ORC2: variants seen among roughly 807,000 people sequenced by gnomAD.
ORC2 encodes the protein origin recognition complex subunit 2, also known as origin recognition complex protein 2 homolog.
ORC2 carries 37 observed loss-of-function variants against 77.7 expected under a neutral mutation model. The observed-to-expected ratio is 0.48, with a 90% CI of 0.37 to 0.63. The LOEUF is 0.63. Ranked by LOEUF, ORC2 falls within the 20% of genes least tolerant of loss-of-function variation. ORC2 has a pLI of 0.00. For missense variants in ORC2, 557 were observed against 661.9 expected (o/e 0.84, Z 1.74); for synonymous variants, 201 against 229.5 (o/e 0.88, Z 1.12).
At chr2:200,927,915 T>G (rs2040871190) in intron 11 of ORC2, among the ~76,000 whole-genome samples, 1 of 151,492 alleles carries the variant, frequency 6.6e-6, no homozygotes, top group South Asian at 2.1e-4. Context: ...CTTGAACTCT[T>G]GACCTCAGGT....
chr2:200,931,423 T>C lies in ORC2; in HGVS notation c.833A>G (p.Lys278Arg). 6.4e-7 allele frequency: 1 copy of C among 1,551,538 alleles called. No homozygotes were observed. The highest frequency in any genetic ancestry group is 2.5e-5 in the East Asian group (1 of 39,680). The change falls in exon 11 of 18, where the codon AAG becomes AGG. Residue 278 changes from lysine (K) to arginine (R), a missense_variant. Transcript: ENST00000234296. Reference protein sequence around the residue: ...DQQTLRNLLSKVSPSFSAELK... With the variant: ...DQQTLRNLLSRVSPSFSAELK... ...TTCGGCAGAAAAGGAAGGGGAAACC[T>C]TGCTCAATAAGTTACGCAAAGTTTG...
At chr2:200,935,554 A>G (rs983184151) in intron 9 of ORC2, 145 bp downstream of exon 9, 2 of 624,528 alleles carry the variant, frequency 3.2e-6, no homozygotes, top group Non-Finnish European at 5.4e-6. Flanking sequence ...AAACAAATAT[A>G]TGTGGGAATT....
chr2:200,920,482 A>T, intron 14 of ORC2, 89 bp from the exon 15 acceptor site: 1 of 1,100,376 alleles, frequency 9.1e-7, no homozygotes, highest in Non-Finnish European at 1.2e-6. Context: ...ATGAGAAAGG[A>T]TTAAATAAAA....
chr2:200,913,434 T>G, intron 16 of ORC2, 21 bp from the exon 17 acceptor site: 1 of 1,568,198 alleles, frequency 6.4e-7, no homozygotes, highest in South Asian at 1.1e-5. Flanking sequence ...CAAAAGGATA[T>G]GAACATAAGT....
chr2:200,925,703 C>T, intron 13 of ORC2, 133 bp downstream of exon 13: 1 of 316,496 alleles, frequency 3.2e-6, no homozygotes, highest in South Asian at 5.3e-5. Flanking sequence ...CGCACCACTG[C>T]ACTCCAGGCT....
intron 9 of ORC2, among the ~76,000 whole-genome samples, chr2:200,935,447 G>C (rs1473410662): frequency 6.6e-6 from 1 of 152,180 alleles, no homozygotes; most frequent in Non-Finnish European, 1.5e-5. Flanking sequence ...TTATACAGTG[G>C]AATTGAGATG....
At chr2:200,938,411 A>G (rs550521727) in intron 7 of ORC2, among the ~76,000 whole-genome samples, 28 of 152,326 alleles carry the variant, frequency 1.8e-4, no homozygotes, top group Middle Eastern at 3.4e-3. Flanking sequence ...GTATATGGCA[A>G]TGGGCCTTTT....
chr2:200,934,988 A>T (rs925790055), intron 9 of ORC2, among the ~76,000 whole-genome samples: 1 of 152,204 alleles, frequency 6.6e-6, no homozygotes, highest in African/African-American at 2.4e-5. Flanking sequence ...CATTACACTG[A>T]CTTGAATACA....
At chr2:200,953,638 C>G (rs2041407596) in intron 4 of ORC2, among the ~76,000 whole-genome samples, 1 of 152,148 alleles carries the variant, frequency 6.6e-6, no homozygotes, top group Non-Finnish European at 1.5e-5. Context: ...TTTGTACACC[C>G]ATGTTCATAG....
intron 4 of ORC2, among the ~76,000 whole-genome samples, chr2:200,950,175 C>CA (rs1559021847): frequency 6.6e-6 from 1 of 152,162 alleles, no homozygotes; most frequent in East Asian, 1.9e-4. Flanking sequence ...ACTGAAAATA[C>CA]AAAAAATTAG....
chr2:200,917,892 T>C (rs907137673), intron 15 of ORC2, among the ~76,000 whole-genome samples: 2 of 151,056 alleles, frequency 1.3e-5, no homozygotes, highest in Non-Finnish European at 3.0e-5. Context: ...AATAAATTGC[T>C]AGGGGGGGTT....
At chr2:200,937,595 T>G (rs2041071464) in intron 8 of ORC2, among the ~76,000 whole-genome samples, 1 of 152,230 alleles carries the variant, frequency 6.6e-6, no homozygotes, top group African/African-American at 2.4e-5. Context: ...TTTACTTGAC[T>G]TTGTTTAGCA....
rs1293548275 is a variant in ORC2 at position 200,917,058 on chromosome 2, G to A, written c.1467-3066C>T. On this transcript the variant is annotated intron_variant, in intron 15 of 17. Coordinates refer to ENST00000234296, the MANE Select transcript of ORC2 (RefSeq NM_006190.5). ...TGCACAGGCTGGAGTGCAGTGGTGT[G>A]ATCTTAGCTCAATGCAACCTTTACC... Among the ~76,000 whole-genome samples the A allele has an allele frequency of 2.7e-5, 4 of 146,268 alleles. No homozygotes were observed. The Admixed American group carries it at 2.8e-4, about 10-fold the overall frequency.
chr2:200,952,282 C>T (rs981913747), intron 4 of ORC2, among the ~76,000 whole-genome samples: 3 of 151,754 alleles, frequency 2.0e-5, no homozygotes, highest in Non-Finnish European at 2.9e-5. Flanking sequence ...TTTTTTGAGA[C>T]GGAGTCTCAC....
At chr2:200,942,638 G>A (rs2041174726) in intron 6 of ORC2, 47 bp downstream of exon 6, 2 of 1,013,408 alleles carry the variant, frequency 2.0e-6, no homozygotes, top group Admixed American at 2.3e-5. Flanking sequence ...GCTCTATCTT[G>A]AAGCAACTAT....
chr2:200,934,263 G>A (rs1356889847), intron 9 of ORC2, among the ~76,000 whole-genome samples: 1 of 151,960 alleles, frequency 6.6e-6, no homozygotes, highest in Non-Finnish European at 1.5e-5. Context: ...ACTAAAAAAA[G>A]AGAGATGGTT....
intron 17 of ORC2, among the ~76,000 whole-genome samples, chr2:200,911,756 G>A (rs1241873368): frequency 6.6e-6 from 1 of 151,996 alleles, no homozygotes; most frequent in Non-Finnish European, 1.5e-5. Flanking sequence ...ATACATTCAA[G>A]TGTGTCCAAT....
chr2:200,914,044 G>A (rs1299942429), intron 15 of ORC2, 52 bp from the exon 16 acceptor site: 6 of 1,115,188 alleles, frequency 5.4e-6, no homozygotes, highest in African/African-American at 4.8e-5. Context: ...AACATCAAAA[G>A]GTAACAACTA....
At chr2:200,951,836 T>C (rs1293641552) in intron 4 of ORC2, among the ~76,000 whole-genome samples, 1 of 152,226 alleles carries the variant, frequency 6.6e-6, no homozygotes, top group African/African-American at 2.4e-5. Flanking sequence ...TCTTCTAGTC[T>C]GTAGTCTTCT....
Sources: allele counts gnomAD v4.1 joint callset (sites outside exome capture counted in the v4.1 genomes callset), GRCh38; gene constraint gnomAD v4.1.1; transcripts MANE v1.5; gene names NCBI Gene and HGNC (gene_info 2026-07-23, HGNC 2026-07-21).